The following CD55 variants were observed in gnomAD, a reference collection of about 807,000 sequenced individuals.
CD55 encodes complement decay-accelerating factor.
Under a neutral mutation model 45.8 loss-of-function variants are expected in CD55, and 41 were observed. The ratio of observed to expected loss-of-function variants is 0.90; its 90% CI spans 0.70 to 1.16. CD55 has a LOEUF of 1.16. CD55 is among the 50% of genes most tolerant of loss of function. The probability of loss-of-function intolerance (pLI) is 0.00; values close to 1 mark genes in which losing one functional copy is unlikely to be tolerated. For missense variants in CD55, 416 were observed against 469.8 expected, an observed-to-expected ratio of 0.89 and a Z score of 1.06; for synonymous variants, 181 against 181.1, an observed-to-expected ratio of 1.00 and a Z score of 0.01.
chr1:207,322,432 G>C lies in CD55; in HGVS notation c.151G>C (p.Gly51Arg). The stretch of plus-strand genomic sequence containing the variant: ...ACCTAATGCCCAGCCAGCTTTGGAA[G>C]GCCGTACAAGTTTTCCCGAGGATAC... ...DVPNAQPALEGRTSFPEDTVI... is the reference protein window; with the variant it reads ...DVPNAQPALERRTSFPEDTVI... The change falls in exon 2 of 10, where the codon GGC (glycine) becomes CGC (arginine). Residue 51 changes from glycine to arginine, a missense_variant. This residue lies in a region of CD55 where 123 missense variants were observed against 105.1 expected (regional missense o/e 1.17). Transcript: ENST00000367064. The C allele has an allele frequency of 3.7e-6, 6 of 1,614,206 alleles. No individual in the cohort carries two copies. The highest frequency in any genetic ancestry group is 5.1e-6 in the Non-Finnish European group (6 of 1,180,014).
intron 9 of CD55, among the ~76,000 whole-genome samples, chr1:207,352,210 C>T (rs572637874): frequency 4.0e-5 from 6 of 148,492 alleles, no homozygotes; most frequent in South Asian, 2.1e-4. Context: ...TCTTTTCTTC[C>T]GTTGGCTTTG....
chr1:207,330,330 TAA>T (rs77892308), intron 5 of CD55, among the ~76,000 whole-genome samples: 2 of 144,190 alleles, frequency 1.4e-5, no homozygotes, highest in Admixed American at 6.9e-5. Flanking sequence ...CCTTCATTCT[TAA>T]AAAAAAAAAA....
chr1:207,340,836 T>C (rs1291745003), intron 9 of CD55: 3 of 398,332 alleles, frequency 7.5e-6, no homozygotes, highest in Non-Finnish European at 1.3e-5. Flanking sequence ...GATCCTAAGA[T>C]AGTTATATTT....
chr1:207,336,927 T>G lies in CD55; in HGVS notation c.979+109T>G, dbSNP rs538695077. On this transcript the variant is annotated intron_variant, in intron 7 of 9. Coordinates refer to ENST00000367064, the MANE Select transcript of CD55 (RefSeq NM_000574.5). ...ACCACAGTAAATGTCCCAGCTACAA[T>G]AGTCACACCAACACCTTAGAAACCC... The G allele has an allele frequency of 3.1e-6, 4 of 1,295,706 alleles. No individual in the cohort carries two copies. In the African/African-American group the frequency reaches 4.5e-5, roughly 14 times the overall value. The allele number at this position is 1,295,706 out of a possible 1,614,324, so 80.3% of individuals were successfully genotyped here. A position where few individuals can be genotyped will look rare whatever the true frequency, so the allele number is the denominator to read the frequency against.
chr1:207,326,738 C>T lies in CD55; in HGVS notation c.579-14C>T. On this transcript the variant is annotated splice_polypyrimidine_tract_variant and intron_variant, in intron 4 of 9. Coordinates refer to ENST00000367064, the MANE Select transcript of CD55 (RefSeq NM_000574.5). Reference sequence around the variant, plus strand: ...GAATGTAACAAACTCTTTTTTCTTCCCCTGTTGCTTTAGGTACAAATTATT... The same window carrying T: ...GAATGTAACAAACTCTTTTTTCTTCTCCTGTTGCTTTAGGTACAAATTATT... The T allele has an allele frequency of 6.3e-7, 1 of 1,599,096 alleles. No homozygotes were observed. The highest frequency in any genetic ancestry group is 8.6e-7 in the Non-Finnish European group (1 of 1,167,992).
In CD55 at chr1:207,340,758, A is replaced by G. The variant is rs183303954; in HGVS notation, c.1081+1341A>G. The stretch of plus-strand genomic sequence containing the variant: ...GAATAGTGCTTCAATAAATATGTGA[A>G]TGCACATATCTTTTTGATATATTGG... On this transcript the variant is annotated intron_variant, in intron 9 of 9. Transcript: ENST00000367064. 26 of 454,462 alleles carry G rather than the reference A, an allele frequency of 5.7e-5. No individual in the cohort carries two copies. The Admixed American group carries it at 1.1e-3, about 19-fold the overall frequency. The allele number at this position is 454,462 out of a possible 1,614,324, so 28.2% of individuals were successfully genotyped here. A position where few individuals can be genotyped will look rare whatever the true frequency, so the allele number is the denominator to read the frequency against.
intron 9 of CD55, among the ~76,000 whole-genome samples, chr1:207,346,365 G>T (rs767419267): frequency 3.3e-5 from 5 of 152,154 alleles, no homozygotes; most frequent in Admixed American, 1.3e-4. Flanking sequence ...AGAGGGTGAC[G>T]CTGGGCCAGA....
At chr1:207,330,344 A>AT (rs1558146183) in intron 5 of CD55, among the ~76,000 whole-genome samples, 2 of 151,226 alleles carry the variant, frequency 1.3e-5, no homozygotes, top group African/African-American at 2.4e-5. Flanking sequence ...AAAAAAAAAA[A>AT]GGACAACAAC....
Position 207,359,762 on chromosome 1 carries a change from G to T in CD55, c.*152G>T. 9.5e-7 allele frequency: 1 copy of T among 1,053,182 alleles called. No homozygotes were observed. The highest frequency in any genetic ancestry group is 2.6e-5 in the South Asian group (1 of 39,102). The allele number at this position is 1,053,182 out of a possible 1,614,324, so 65.2% of individuals were successfully genotyped here. ...AAGATGTGTTAGGAATGTCAACAGA[G>T]CAAGGAGAAAAAAGGCAGTCCTGGA... On this transcript the variant is annotated 3_prime_UTR_variant, in exon 10 of 10. Coordinates refer to ENST00000367064, the MANE Select transcript of CD55 (RefSeq NM_000574.5).
At chr1:207,341,693 A>G (rs942427510) in intron 9 of CD55, among the ~76,000 whole-genome samples, 4 of 152,020 alleles carry the variant, frequency 2.6e-5, no homozygotes, top group Non-Finnish European at 2.9e-5. Context: ...TGATGCTGCC[A>G]GCTTTGTTTT....
At chr1:207,353,513 AT>A (rs1487557594) in intron 9 of CD55, among the ~76,000 whole-genome samples, 1 of 152,172 alleles carries the variant, frequency 6.6e-6, no homozygotes, top group Non-Finnish European at 1.5e-5. Context: ...TTAAGTAGCT[AT>A]TTGAAGTTAA....
intron 9 of CD55, chr1:207,347,400 T>C (rs1172989721): frequency 1.4e-5 from 5 of 354,300 alleles, no homozygotes; most frequent in East Asian, 7.5e-5. Context: ...GCTGGGACTA[T>C]AGGCGCCTGC....
At chr1:207,328,189 A>C (rs1294174373) in intron 5 of CD55, among the ~76,000 whole-genome samples, 1 of 152,098 alleles carries the variant, frequency 6.6e-6, no homozygotes, top group Non-Finnish European at 1.5e-5. Context: ...CTCCATGCTG[A>C]ATATTCTGAT....
chr1:207,326,733 T>TC lies in CD55; in HGVS notation c.579-18dup. The TC allele has an allele frequency of 6.3e-7, 1 of 1,591,664 alleles. No individual in the cohort carries two copies. Among genetic ancestry groups the TC allele is most frequent in the Non-Finnish European group, 8.6e-7 (1 of 1,160,178 alleles). On this transcript the variant is annotated intron_variant, in intron 4 of 9. Transcript: ENST00000367064. ...TGTGTGAATGTAACAAACTCTTTTT[T>TC]CTTCCCCTGTTGCTTTAGGTACAAA...
intron 5 of CD55, among the ~76,000 whole-genome samples, chr1:207,330,006 G>A (rs1033779192): frequency 6.8e-6 from 1 of 147,156 alleles, no homozygotes; most frequent in African/African-American, 2.5e-5. Context: ...GATGACCCTT[G>A]CATTTTTTAT....
At position 207,336,705 on chromosome 1, in the gene CD55, C is replaced by A. The variant is rs1655185366; in HGVS notation, c.866C>A (p.Thr289Asn). 1 of 1,613,326 alleles carries A rather than the reference C, an allele frequency of 6.2e-7. No homozygotes were observed. The highest frequency in any genetic ancestry group is 1.7e-4 in the Middle Eastern group (1 of 6,060). Reference protein sequence around the residue: ...PPPECRGKSLTSKVPPTVQKP... With the variant: ...PPPECRGKSLNSKVPPTVQKP... ...TTTTCTTTCACAGGAAAATCTCTAA[C>A]TTCCAAGGTCCCACCAACAGTTCAG... is the stretch of plus-strand genomic sequence containing the variant. Residue 289 changes from threonine (T) to asparagine (N), a missense_variant, in exon 7 of 10, where the codon ACT becomes AAT. Coordinates refer to ENST00000367064, the MANE Select transcript of CD55 (RefSeq NM_000574.5).
Position 207,336,803 on chromosome 1 carries a change from A to G in CD55, c.964A>G (p.Thr322Ala), listed in dbSNP as rs1216316400. 3 of 1,613,848 alleles carry G rather than the reference A, an allele frequency of 1.9e-6. No homozygotes were observed. Among genetic ancestry groups the G allele is most frequent in the Admixed American group, 3.3e-5 (2 of 60,004 alleles). ...TCAGAAAACCACCACAAAAACCACC[A>G]CACCAAATGCTCAAGGTACAGAGAC... is the stretch of plus-strand genomic sequence containing the variant. The part of the protein sequence containing the change: ...TSQKTTTKTT[T>A]PNAQATRSTP... The change falls in exon 7 of 10, where the codon ACA becomes GCA. Residue 322 changes from threonine (T) to alanine (A), a missense_variant. Coordinates refer to ENST00000367064, the MANE Select transcript of CD55 (RefSeq NM_000574.5).
chr1:207,350,033 T>C, intron 9 of CD55: 1 of 448,178 alleles, frequency 2.2e-6, no homozygotes, highest in Non-Finnish European at 4.5e-6. Context: ...GTATGTTCCT[T>C]TGATGCCTAG....
chr1:207,322,126 G>C (rs1364768572), intron 1 of CD55: 1 of 645,732 alleles, frequency 1.5e-6, no homozygotes, highest in Non-Finnish European at 2.9e-6. Context: ...GAGCAGCCAA[G>C]CCTGGCAAAA....
Sources: gnomAD v4.1 joint callset for allele counts (sites outside exome capture counted in the v4.1 genomes callset) on GRCh38, gnomAD v4.1.1 for gene constraint, gnomAD v4.1.1 regional missense constraint, MANE v1.5 for transcripts, NCBI Gene and HGNC (gene_info 2026-07-23, HGNC 2026-07-21) for gene names.